Variants in BRINP3 observed in about 807,000 individuals in gnomAD.
BRINP3 encodes the protein BMP/retinoic acid-inducible neural-specific protein 3.
Under a neutral mutation model 71.0 loss-of-function variants are expected in BRINP3, and 19 were observed. The ratio of observed to expected loss-of-function variants is 0.27; its 90% CI spans 0.19 to 0.39. The LOEUF is 0.39. BRINP3 is among the 10% of genes least tolerant of loss of function. The pLI is 1.00. For missense variants in BRINP3, 959 were observed against 940.8 expected, an observed-to-expected ratio of 1.02 and a Z score of -0.25; for synonymous variants, 380 against 337.7, an observed-to-expected ratio of 1.13 and a Z score of -1.37.
chr1:190,299,264 C>T (rs1206500788), intron 2 of BRINP3, among the ~76,000 whole-genome samples: 1 of 151,868 alleles, frequency 6.6e-6, no homozygotes, highest in African/African-American at 2.4e-5. Context: ...CCACCAATGT[C>T]TGTATTTTAA....
chr1:190,336,283 A>T (rs1667277343), intron 2 of BRINP3, among the ~76,000 whole-genome samples: 1 of 152,026 alleles, frequency 6.6e-6, no homozygotes, highest in South Asian at 2.1e-4. Context: ...TTTTACTAAG[A>T]TCATTTTGAT....
At chr1:190,268,886 A>G (rs1479961895) in intron 3 of BRINP3, among the ~76,000 whole-genome samples, 1 of 152,142 alleles carries the variant, frequency 6.6e-6, no homozygotes, top group Non-Finnish European at 1.5e-5. Context: ...ATTAAATGAC[A>G]TGATCGATTT....
At chr1:190,476,596 A>G (rs951350946) in intron 1 of BRINP3, among the ~76,000 whole-genome samples, 1 of 152,200 alleles carries the variant, frequency 6.6e-6, no homozygotes, top group Non-Finnish European at 1.5e-5. Context: ...CATGCCTATT[A>G]AACACAAGGG....
At chr1:190,189,167 T>C (rs1409107356) in intron 6 of BRINP3, among the ~76,000 whole-genome samples, 4 of 152,156 alleles carry the variant, frequency 2.6e-5, no homozygotes, top group African/African-American at 7.2e-5. Context: ...TTAAGTGTGA[T>C]TGGAATTATT....
At chr1:190,149,624 G>GTT (rs919765764) in intron 7 of BRINP3, among the ~76,000 whole-genome samples, 3 of 138,242 alleles carry the variant, frequency 2.2e-5, no homozygotes, top group Middle Eastern at 3.6e-3. Context: ...TTGTTGAGTA[G>GTT]TTGTGTGTGT....
At chr1:190,160,243 C>G (rs1350915905) in intron 7 of BRINP3, among the ~76,000 whole-genome samples, 1 of 151,872 alleles carries the variant, frequency 6.6e-6, no homozygotes, top group African/African-American at 2.4e-5. Context: ...TTGTGGTTTT[C>G]TATACACTGG....
At chr1:190,162,763 T>G (rs1651124134) in intron 6 of BRINP3, among the ~76,000 whole-genome samples, 1 of 152,170 alleles carries the variant, frequency 6.6e-6, no homozygotes, top group South Asian at 2.1e-4. Flanking sequence ...ACATTTTAAC[T>G]GAACTAAAGT....
At chr1:190,138,661 G>C (rs923805346) in intron 7 of BRINP3, among the ~76,000 whole-genome samples, 8 of 152,106 alleles carry the variant, frequency 5.3e-5, no homozygotes, top group Non-Finnish European at 1.2e-4. Context: ...GGGCAAAAGG[G>C]AGCCAGCAGT....
chr1:190,420,586 T>G (rs968076338), intron 2 of BRINP3, among the ~76,000 whole-genome samples: 5 of 151,986 alleles, frequency 3.3e-5, no homozygotes, highest in African/African-American at 1.2e-4. Context: ...GTCTGAATTG[T>G]CCATATAACT....
At chr1:190,289,105 CTTCAT>C (rs1364197110) in intron 2 of BRINP3, among the ~76,000 whole-genome samples, 1 of 151,698 alleles carries the variant, frequency 6.6e-6, no homozygotes, top group African/African-American at 2.4e-5. Flanking sequence ...TCACATATTG[CTTCAT>C]TTCAAGTTAC....
chr1:190,409,811 A>C (rs1481360138), intron 2 of BRINP3, among the ~76,000 whole-genome samples: 4 of 152,170 alleles, frequency 2.6e-5, no homozygotes, highest in Non-Finnish European at 5.9e-5. Context: ...TAATTGGGCC[A>C]TATCCTGATA....
chr1:190,215,442 T>C (rs1656330419), intron 6 of BRINP3, among the ~76,000 whole-genome samples: 1 of 151,982 alleles, frequency 6.6e-6, no homozygotes, highest in Non-Finnish European at 1.5e-5. Flanking sequence ...TCAAATATTT[T>C]ATTTGGATAT....
intron 4 of BRINP3, among the ~76,000 whole-genome samples, chr1:190,252,527 A>T (rs1213832206): frequency 6.6e-6 from 1 of 152,114 alleles, no homozygotes; most frequent in Non-Finnish European, 1.5e-5. Context: ...CTGTTTCAGC[A>T]TACATGCTAA....
At chr1:190,282,615 T>C (rs761776432) in intron 2 of BRINP3, among the ~76,000 whole-genome samples, 4 of 152,012 alleles carry the variant, frequency 2.6e-5, no homozygotes, top group African/African-American at 4.8e-5. Flanking sequence ...AAACACTTTA[T>C]ACACATGTGC....
chr1:190,186,934 C>A (rs538949927), intron 6 of BRINP3, among the ~76,000 whole-genome samples: 1 of 152,268 alleles, frequency 6.6e-6, no homozygotes, highest in South Asian at 2.1e-4. Context: ...TAGGTTTGGA[C>A]ACTCTGAAAT....
At chr1:190,212,728 G>A (rs1336843884) in intron 6 of BRINP3, among the ~76,000 whole-genome samples, 1 of 152,060 alleles carries the variant, frequency 6.6e-6, no homozygotes, top group Non-Finnish European at 1.5e-5. Context: ...TTACATAAGA[G>A]CCAGTGACGA....
intron 2 of BRINP3, among the ~76,000 whole-genome samples, chr1:190,335,981 C>T (rs944982538): frequency 2.6e-5 from 4 of 151,956 alleles, no homozygotes; most frequent in African/African-American, 9.7e-5. Context: ...TGTGGTAAGC[C>T]TATCAGTGAA....
At chr1:190,361,089 G>A (rs1404313547) in intron 2 of BRINP3, among the ~76,000 whole-genome samples, 1 of 151,890 alleles carries the variant, frequency 6.6e-6, no homozygotes, top group East Asian at 2.0e-4. Flanking sequence ...TCAGAGAATA[G>A]TGAGCAGATA....
chr1:190,455,799 C>T (rs193017690), intron 1 of BRINP3, among the ~76,000 whole-genome samples: 8 of 152,170 alleles, frequency 5.3e-5, no homozygotes, highest in African/African-American at 1.7e-4. Context: ...AAACTGCATA[C>T]ATTGTAGTAT....
Sources: gnomAD v4.1 joint callset for allele counts (sites outside exome capture counted in the v4.1 genomes callset) on GRCh38, gnomAD v4.1.1 for gene constraint, MANE v1.5 for transcripts, NCBI Gene and HGNC (gene_info 2026-07-23, HGNC 2026-07-21) for gene names.